Variants in PLPPR4 observed in about 807,000 individuals in gnomAD.
PLPPR4 encodes the protein phospholipid phosphatase-related protein type 4.
In PLPPR4, 24 loss-of-function variants were observed where a neutral mutation model predicts 56.6. The observed-to-expected ratio is 0.42, with a 90% CI of 0.31 to 0.60. The LOEUF is 0.60. Ranked by LOEUF, PLPPR4 falls within the 20% of genes least tolerant of loss-of-function variation. PLPPR4 has a pLI of 0.13. For synonymous variants in PLPPR4, 326 were observed against 328.1 expected (o/e 0.99, Z 0.07); for missense variants, 654 against 885.8 (o/e 0.74, Z 3.32).
chr1:99,289,781 T>G (rs1366265441), intron 2 of PLPPR4, among the ~76,000 whole-genome samples: 1 of 152,118 alleles, frequency 6.6e-6, no homozygotes, highest in Non-Finnish European at 1.5e-5. Context: ...AACTAGGTAT[T>G]GAGGGAACAT....
chr1:99,301,575 C>T lies in PLPPR4; in HGVS notation c.649-149C>T, dbSNP rs879042987. 3 of 484,762 alleles carry T rather than the reference C, an allele frequency of 6.2e-6. No individual in the cohort carries two copies. In the Admixed American group the frequency reaches 1.1e-4, roughly 17 times the overall value. The allele number at this position is 484,762 out of a possible 1,614,324, so 30.0% of individuals were successfully genotyped here. On this transcript the variant is annotated intron_variant, in intron 5 of 6. Coordinates refer to ENST00000370185, the MANE Select transcript of PLPPR4 (RefSeq NM_014839.5). ...ATAAATTTCATCATGCATATCCCTT[C>T]TTGGCAGGCACAGAACATAGCCATA...
intron 6 of PLPPR4, among the ~76,000 whole-genome samples, chr1:99,302,347 C>T (rs1005468880): frequency 1.3e-5 from 2 of 152,106 alleles, no homozygotes; most frequent in African/African-American, 4.8e-5. Context: ...CAAGCCTGGT[C>T]CCCCTCTAAG....
intron 1 of PLPPR4, among the ~76,000 whole-genome samples, chr1:99,281,371 T>C (rs1347701338): frequency 2.0e-5 from 3 of 152,166 alleles, no homozygotes; most frequent in Admixed American, 6.5e-5. Context: ...CAGTTTAGAT[T>C]TCTAGACCTT....
chr1:99,306,843 G>C lies in PLPPR4; in HGVS notation c.1981G>C (p.Glu661Gln), dbSNP rs1301749508. 2 of 1,614,118 alleles carry C rather than the reference G, an allele frequency of 1.2e-6. No individual in the cohort carries two copies. The highest frequency in any genetic ancestry group is 1.7e-6 in the Non-Finnish European group (2 of 1,180,020). The change falls in exon 7 of 7, where the codon GAG (glutamate) becomes CAG (glutamine). Residue 661 changes from glutamate to glutamine, a missense_variant. Transcript: ENST00000370185. The surrounding 1 kb of genome is among the most constrained non-coding windows in gnomAD (Gnocchi z 4.0). ...TACCACCATCCGCGTCACCCCAGTA[G>C]AGGGCAGCGAAATTGGCTCAGAGAC... The part of the protein sequence containing the change: ...GITTIRVTPV[E>Q]GSEIGSETLS...
Position 99,308,710 on chromosome 1 carries a change from A to G in PLPPR4, c.*1700A>G, listed in dbSNP as rs1660110127. Reference sequence around the variant, plus strand: ...TTCTAGAAAAACCAACCTCTAAGGCATTAGGAATTTAGCTGAAACCAGCAG... The same window carrying G: ...TTCTAGAAAAACCAACCTCTAAGGCGTTAGGAATTTAGCTGAAACCAGCAG... On this transcript the variant is annotated 3_prime_UTR_variant, in exon 7 of 7. Transcript: ENST00000370185. 6.6e-6 allele frequency: 1 copy of G among 152,630 alleles called. No individual in the cohort carries two copies. Among genetic ancestry groups the G allele is most frequent in the African/African-American group, 2.4e-5 (1 of 41,440 alleles). 9.5% of individuals were successfully genotyped at this position (152,630 alleles called of 1,614,324 possible).
chr1:99,278,038 A>G (rs1398113655), intron 1 of PLPPR4, among the ~76,000 whole-genome samples: 2 of 152,176 alleles, frequency 1.3e-5, no homozygotes, highest in Non-Finnish European at 2.9e-5. Context: ...ACAATATCAC[A>G]CACTATAGAA....
chr1:99,264,155 T>G, upstream of PLPPR4: 1 of 446,248 alleles, frequency 2.2e-6, no homozygotes. Flanking sequence ...AGGAGGAGAC[T>G]AGGTGGCTTA....
chr1:99,308,413 A>G lies in PLPPR4; in HGVS notation c.*1403A>G, dbSNP rs974304434. The G allele has an allele frequency of 6.6e-6, 1 of 152,376 alleles. No individual in the cohort carries two copies. Among genetic ancestry groups the G allele is most frequent in the Non-Finnish European group, 1.5e-5 (1 of 68,048 alleles). 9.4% of individuals were successfully genotyped at this position (152,376 alleles called of 1,614,324 possible). The stretch of plus-strand genomic sequence containing the variant: ...TGAGCCTAAATCAAAGCAAACCAAT[A>G]CCATTGATAAGAAGAAGATAAAAAC... On this transcript the variant is annotated 3_prime_UTR_variant, in exon 7 of 7. Transcript: ENST00000370185.
In PLPPR4 at chr1:99,298,626, G is replaced by C. The variant is rs2100807034; in HGVS notation, c.395-409G>C. Among the ~76,000 whole-genome samples, 2 of 152,270 alleles carry C rather than the reference G, an allele frequency of 1.3e-5. 1 individual carries two copies. The highest frequency in any genetic ancestry group is 6.8e-3 in the Middle Eastern group (2 of 294). ...CTGTAGGGTGTGATAACTGTGGCTA[G>C]TGTTAGAGACCATCAGGGAGAAATA... On this transcript the variant is annotated intron_variant, in intron 3 of 6. Coordinates refer to ENST00000370185, the MANE Select transcript of PLPPR4 (RefSeq NM_014839.5).
In PLPPR4 at chr1:99,294,709, A is replaced by C. The variant is rs537646500; in HGVS notation, c.265-2029A>C. Among the ~76,000 whole-genome samples the C allele has an allele frequency of 5.0e-4, 76 of 152,186 alleles. 2 individuals carry two copies. Among genetic ancestry groups the C allele is most frequent in the Middle Eastern group, 3.4e-3 (1 of 294 alleles). ...AGACTCAGTCTCAAAAAAAAAAAAA[A>C]AAAACTCCTGAAATCTCAAGGTCTC... On this transcript the variant is annotated intron_variant, in intron 2 of 6. Coordinates refer to ENST00000370185, the MANE Select transcript of PLPPR4 (RefSeq NM_014839.5).
intron 2 of PLPPR4, among the ~76,000 whole-genome samples, chr1:99,293,120 G>A (rs773459366): frequency 7.9e-5 from 12 of 152,144 alleles, no homozygotes; most frequent in Non-Finnish European, 1.2e-4. Context: ...CACCCGCCAC[G>A]TGGAGTGGGG....
intron 3 of PLPPR4, 131 bp downstream of exon 3, chr1:99,296,998 T>TC: frequency 1.0e-6 from 1 of 991,536 alleles, no homozygotes; most frequent in South Asian, 3.7e-5. Context: ...GAGTTTTATA[T>TC]TGTACAAGAA....
intron 2 of PLPPR4, among the ~76,000 whole-genome samples, chr1:99,291,196 A>T (rs1306808589): frequency 6.6e-6 from 1 of 152,212 alleles, no homozygotes; most frequent in Non-Finnish European, 1.5e-5. Flanking sequence ...AAAGCTCAAC[A>T]TCACTGATCA....
intron 1 of PLPPR4, among the ~76,000 whole-genome samples, chr1:99,269,994 CTT>C (rs1329331670): frequency 5.0e-5 from 6 of 120,194 alleles, no homozygotes; most frequent in South Asian, 5.7e-4. Flanking sequence ...GTTTTCATTC[CTT>C]TTGTGTGTGT....
In PLPPR4 at chr1:99,280,024, AG is replaced by A. The variant is rs1659282771; in HGVS notation, c.79-7940del. Among the ~76,000 whole-genome samples the A allele has an allele frequency of 2.6e-5, 4 of 152,330 alleles. No individual in the cohort carries two copies. The South Asian group carries it at 8.3e-4, about 32-fold the overall frequency. On this transcript the variant is annotated intron_variant, in intron 1 of 6. Coordinates refer to ENST00000370185, the MANE Select transcript of PLPPR4 (RefSeq NM_014839.5). Reference sequence around the variant, plus strand: ...TTTGGGTGATAAAGAATAAGTGAGTAGAGAATGTGTTTAAGAGTAATAAGAA... The same window carrying A: ...TTTGGGTGATAAAGAATAAGTGAGTAAGAATGTGTTTAAGAGTAATAAGAA...
chr1:99,275,899 A>G (rs1375025617), intron 1 of PLPPR4, among the ~76,000 whole-genome samples: 1 of 152,116 alleles, frequency 6.6e-6, no homozygotes, highest in Non-Finnish European at 1.5e-5. Flanking sequence ...GCAGCACAGT[A>G]GGGAGAGGGA....
At position 99,283,125 on chromosome 1, in the gene PLPPR4, C is replaced by T. The variant is rs565840942; in HGVS notation, c.79-4840C>T. ...TAGAACGAGGCTTGGGACTAGCAGG[C>T]TATCAAAGATATTTGTTGAATGAAT... On this transcript the variant is annotated intron_variant, in intron 1 of 6. Transcript: ENST00000370185. Among the ~76,000 whole-genome samples, 5 of 152,012 alleles carry T rather than the reference C, an allele frequency of 3.3e-5. No homozygotes were observed. The East Asian group carries it at 9.7e-4, about 29-fold the overall frequency.
chr1:99,296,330 T>C (rs1444721261), intron 2 of PLPPR4, among the ~76,000 whole-genome samples: 4 of 152,196 alleles, frequency 2.6e-5, no homozygotes, highest in Non-Finnish European at 5.9e-5. Context: ...TACATATGGG[T>C]AGTGGCTACT....
chr1:99,279,284 G>A (rs553276706), intron 1 of PLPPR4, among the ~76,000 whole-genome samples: 7 of 152,258 alleles, frequency 4.6e-5, no homozygotes, highest in South Asian at 2.1e-4. Flanking sequence ...GTCAGAGAAA[G>A]TGATCCGAAG....
Sources: gnomAD v4.1 joint callset for allele counts (sites outside exome capture counted in the v4.1 genomes callset) on GRCh38, gnomAD v4.1.1 for gene constraint, Gnocchi (gnomAD v3.1) non-coding constraint, MANE v1.5 for transcripts, NCBI Gene and HGNC (gene_info 2026-07-23, HGNC 2026-07-21) for gene names.